DAB1: variants seen among roughly 807,000 people sequenced by gnomAD.
The protein encoded by DAB1 is DAB adaptor protein 1.
Under a neutral mutation model 64.6 loss-of-function variants are expected in DAB1, and 15 were observed. The observed-to-expected ratio is 0.23, with a 90% CI of 0.16 to 0.36. The LOEUF is 0.36. Among genes scored for constraint, DAB1 ranks in the 10% least tolerant of loss-of-function variants. DAB1 has a pLI of 1.00. For synonymous variants in DAB1, 235 were observed against 251.9 expected (o/e 0.93, Z 0.64); for missense variants, 596 against 706.7 (o/e 0.84, Z 1.78).
At chr1:57,543,630 G>T (rs1432166000) in intron 7 of DAB1, among the ~76,000 whole-genome samples, 2 of 152,160 alleles carry the variant, frequency 1.3e-5, no homozygotes, top group Non-Finnish European at 2.9e-5. Context: ...AATTGACTCT[G>T]TCGGTAAAAG....
Position 57,273,549 on chromosome 1 carries a change from G to GCCTT in DAB1, c.67+17414_67+17415insAAGG, listed in dbSNP as rs1671189974. ...TGCCTGCCTGCCTGCCTGCCTGCCT[G>GCCTT]CCTGCCTTCCTTCCTTCCTTCCTTC... On this transcript the variant is annotated intron_variant, in intron 2 of 14. Coordinates refer to ENST00000371236, the MANE Select transcript of DAB1 (RefSeq NM_001365792.1). Among the ~76,000 whole-genome samples, 477 of 75,158 alleles carry GCCTT rather than the reference G, an allele frequency of 6.3e-3. 1 individual carries two copies. Among genetic ancestry groups the GCCTT allele is most frequent in the Middle Eastern group, 0.017 (2 of 116 alleles). 49.3% of individuals were successfully genotyped at this position (75,158 alleles called of 152,430 possible).
chr1:57,275,592 C>T (rs1463030245), intron 2 of DAB1, among the ~76,000 whole-genome samples: 1 of 152,132 alleles, frequency 6.6e-6, no homozygotes, highest in Admixed American at 6.5e-5. Context: ...CGCATTAAAA[C>T]AGATGAACCA....
intron 4 of DAB1, among the ~76,000 whole-genome samples, chr1:58,180,699 T>C (rs765935205): frequency 2.0e-5 from 3 of 152,194 alleles, no homozygotes; most frequent in Non-Finnish European, 2.9e-5. Context: ...GTTCAGTATA[T>C]TTCCTAATTT....
intron 7 of DAB1, among the ~76,000 whole-genome samples, chr1:57,486,696 T>G (rs11810661): frequency 0.015 from 2,235 of 152,138 alleles, 43 homozygotes; most frequent in African/African-American, 0.051. Context: ...GGTAAAACCC[T>G]CAGTGGGATG....
chr1:58,336,364 G>A (rs1169353303), intron 4 of DAB1, among the ~76,000 whole-genome samples: 1 of 152,192 alleles, frequency 6.6e-6, no homozygotes, highest in African/African-American at 2.4e-5. Flanking sequence ...ATTTGCTTCA[G>A]ATGTCCTCTT....
rs192203802 is a variant in DAB1, at chr1:57,981,517, A to T, written n.388-97355T>A. 1.6e-3 allele frequency among the ~76,000 whole-genome samples: 249 copies of T among 152,348 alleles called. 2 individuals carry two copies. Among genetic ancestry groups the T allele is most frequent in the African/African-American group, 5.7e-3 (239 of 41,588 alleles). On this transcript the variant is annotated intron_variant and non_coding_transcript_variant, in intron 5 of 20. Transcript: ENST00000485760. Reference sequence around the variant, plus strand: ...CAGCAGTAATCCAATAGAATAAAAAACTGTAGAAAAATATCAAAAGAAGAT... The same window carrying T: ...CAGCAGTAATCCAATAGAATAAAAATCTGTAGAAAAATATCAAAAGAAGAT...
chr1:57,439,418 G>GTTTTTGTTTTTTTTTT (rs1685824286), intron 7 of DAB1, among the ~76,000 whole-genome samples: 1 of 116,138 alleles, frequency 8.6e-6, no homozygotes, highest in Non-Finnish European at 1.7e-5. Flanking sequence ...TGGTGATGAG[G>GTTTTTGTTTTTTTTTT]TTTTTTCTTT....
chr1:58,232,661 G>A (rs1045535983), intron 4 of DAB1, among the ~76,000 whole-genome samples: 1 of 152,140 alleles, frequency 6.6e-6, no homozygotes, highest in Non-Finnish European at 1.5e-5. Context: ...AGACTTACTC[G>A]GTCTCAAAAG....
chr1:57,065,674 G>A (rs1241429482), intron 8 of DAB1, among the ~76,000 whole-genome samples: 1 of 152,186 alleles, frequency 6.6e-6, no homozygotes, highest in African/African-American at 2.4e-5. Flanking sequence ...TTACACAAAA[G>A]GCTTCAGTAA....
intron 4 of DAB1, among the ~76,000 whole-genome samples, chr1:58,325,445 T>C (rs1370217525): frequency 6.6e-6 from 1 of 152,216 alleles, no homozygotes; most frequent in Admixed American, 6.5e-5. Flanking sequence ...GAATATGCAA[T>C]TTTCCATAGG....
intron 12 of DAB1, among the ~76,000 whole-genome samples, chr1:57,012,812 A>G (rs1431536813): frequency 6.6e-6 from 1 of 152,244 alleles, no homozygotes; most frequent in Non-Finnish European, 1.5e-5. Context: ...ATTTTTGCTT[A>G]CTAAAGGTTG....
intron 3 of DAB1, among the ~76,000 whole-genome samples, chr1:58,348,769 G>A (rs894020367): frequency 1.1e-4 from 16 of 152,170 alleles, no homozygotes; most frequent in Admixed American, 2.6e-4. Flanking sequence ...TTTGGCACAT[G>A]AAATGCTAAA....
At chr1:58,035,916 T>C (rs1196409586) in intron 5 of DAB1, among the ~76,000 whole-genome samples, 1 of 152,216 alleles carries the variant, frequency 6.6e-6, no homozygotes, top group Non-Finnish European at 1.5e-5. Context: ...AGATAGACCT[T>C]TGGTTCTTTG....
Position 58,288,038 on chromosome 1 carries a change from A to AAAAAAAAAAAG in DAB1, n.309+55313_309+55314insCTTTTTTTTTT, listed in dbSNP as rs1557722959. 2.4e-5 allele frequency among the ~76,000 whole-genome samples: 3 copies of AAAAAAAAAAAG among 122,660 alleles called. 1 individual carries two copies. Among genetic ancestry groups the AAAAAAAAAAAG allele is most frequent in the Non-Finnish European group, 1.7e-5 (1 of 59,486 alleles). 80.5% of individuals were successfully genotyped at this position (122,660 alleles called of 152,430 possible). ...CTGCCTCAAAAAAAAAAAAAAAAAA[A>AAAAAAAAAAAG]AAAAAAAGAAAAAAAAGAGCAGCAA... On this transcript the variant is annotated intron_variant and non_coding_transcript_variant, in intron 4 of 20. Transcript: ENST00000485760.
chr1:57,359,381 C>A (rs144729215), intron 1 of DAB1, among the ~76,000 whole-genome samples: 1 of 151,918 alleles, frequency 6.6e-6, no homozygotes, highest in African/African-American at 2.4e-5. Context: ...CAAATCAAAA[C>A]CACAATAAGA....
intron 4 of DAB1, among the ~76,000 whole-genome samples, chr1:58,233,491 C>A (rs1659880249): frequency 6.6e-6 from 1 of 152,186 alleles, no homozygotes; most frequent in Non-Finnish European, 1.5e-5. Flanking sequence ...AGGAAACTGC[C>A]TGCAGTGCGA....
At chr1:57,628,619 C>CG (rs1553201722) in intron 7 of DAB1, among the ~76,000 whole-genome samples, 2 of 151,436 alleles carry the variant, frequency 1.3e-5, no homozygotes, top group Non-Finnish European at 2.9e-5. Context: ...AATATCTAAC[C>CG]TCTTTGGTCA....
intron 5 of DAB1, among the ~76,000 whole-genome samples, chr1:58,134,562 A>G (rs1405823103): frequency 6.6e-6 from 1 of 152,208 alleles, no homozygotes; most frequent in Non-Finnish European, 1.5e-5. Flanking sequence ...CAGGCTGTAC[A>G]GGCGTCTTCT....
At chr1:57,431,145 A>AC (rs1382241655) in intron 7 of DAB1, among the ~76,000 whole-genome samples, 1 of 121,144 alleles carries the variant, frequency 8.3e-6, no homozygotes, top group Non-Finnish European at 1.8e-5. Context: ...GCCAAAAACA[A>AC]AAAAAAAAAA....
Sources: allele counts gnomAD v4.1 joint callset (sites outside exome capture counted in the v4.1 genomes callset), GRCh38; gene constraint gnomAD v4.1.1; transcripts MANE v1.5; gene names NCBI Gene and HGNC (gene_info 2026-07-23, HGNC 2026-07-21).